Variants in SEMA3D observed in about 807,000 individuals in gnomAD.
The protein encoded by SEMA3D is semaphorin 3D.
SEMA3D carries 84 observed loss-of-function variants against 100.1 expected under a neutral mutation model. The observed-to-expected ratio is 0.84, with a 90% CI of 0.70 to 1.01. SEMA3D has a LOEUF of 1.01. Among genes scored for constraint, SEMA3D ranks in the 50% least tolerant of loss-of-function variants. The pLI, the probability that SEMA3D is intolerant of heterozygous loss-of-function variation, is 0.00. For synonymous variants in SEMA3D, 312 were observed against 320.7 expected, an observed-to-expected ratio of 0.97 and a Z score of 0.29; for missense variants, 875 against 934.1, an observed-to-expected ratio of 0.94 and a Z score of 0.82.
intron 2 of SEMA3D, among the ~76,000 whole-genome samples, chr7:85,128,756 C>G (rs917020183): frequency 2.0e-5 from 3 of 151,430 alleles, no homozygotes; most frequent in Non-Finnish European, 4.4e-5. Context: ...ATAAAATGTA[C>G]AGAATATTCT....
intron 11 of SEMA3D, among the ~76,000 whole-genome samples, chr7:85,037,431 T>C (rs180860756): frequency 1.8e-4 from 27 of 152,240 alleles, no homozygotes; most frequent in African/African-American, 6.3e-4. Flanking sequence ...CCATTTTATT[T>C]AAAGTTATTA....
rs951097671 is a variant in SEMA3D, at chr7:85,086,506, G to GTA, written c.313-4929_313-4928dup. ...TCAATAATCTTTTGAAGTGTTATAT[G>GTA]TATATATATATCACATTATATATAA... On this transcript the variant is annotated intron_variant, in intron 4 of 18. Transcript: ENST00000284136. Among the ~76,000 whole-genome samples, 34 of 151,538 alleles carry GTA rather than the reference G, an allele frequency of 2.2e-4. 1 individual carries two copies. The highest frequency in any genetic ancestry group is 4.1e-4 in the African/African-American group (17 of 41,294).
the SEMA3D span, among the ~76,000 whole-genome samples, chr7:85,194,276 G>A: frequency 1.5e-3 from 234 of 152,178 alleles, 1 homozygote; most frequent in African/African-American, 5.2e-3. Flanking sequence ...AGCATTGCTT[G>A]TTTCTGATCT....
chr7:85,017,937 T>C (rs542959913), intron 15 of SEMA3D, among the ~76,000 whole-genome samples: 92 of 151,700 alleles, frequency 6.1e-4, no homozygotes, highest in Non-Finnish European at 1.1e-3. Context: ...CCCTTTGTAA[T>C]GGTTAGGGTT....
In SEMA3D at chr7:85,015,168, G is replaced by C. The variant is rs1241202313; in HGVS notation, c.1594C>G (p.His532Asp). The change falls in exon 16 of 19, where the codon CAC becomes GAC. Residue 532 changes from histidine (H) to aspartate (D), a missense_variant. Physicochemically the swap from His to Asp is moderately conservative, Grantham distance 81 (BLOSUM62 -1). Transcript: ENST00000284136. The part of the protein sequence containing the change: ...SRDGLVQLSL[H>D]RCDTYGKACA... ...GCTTTCCCATAAGTGTCGCATCTGTGCAAGGAGAGCTGAACCAATCCATCT... is the reference window on the plus strand; with the variant it reads ...GCTTTCCCATAAGTGTCGCATCTGTCCAAGGAGAGCTGAACCAATCCATCT... 1.2e-6 allele frequency: 2 copies of C among 1,611,800 alleles called. No individual in the cohort carries two copies. Among genetic ancestry groups the C allele is most frequent in the Non-Finnish European group, 1.7e-6 (2 of 1,178,506 alleles).
chr7:85,204,654 T>C, the SEMA3D span, among the ~76,000 whole-genome samples: 1 of 152,070 alleles, frequency 6.6e-6, no homozygotes, highest in Non-Finnish European at 1.5e-5. Context: ...TCTTGCACAG[T>C]GGTCAAGCTA....
rs746534815 is a variant in SEMA3D, at chr7:85,081,904, C to T, written c.313-325G>A. Among the ~76,000 whole-genome samples the T allele has an allele frequency of 1.4e-4, 22 of 152,252 alleles. 1 individual carries two copies. In the South Asian group the frequency reaches 4.6e-3, roughly 32 times the overall value. Reference sequence around the variant, plus strand: ...CATGAGCATTTGCCTAAATAAGAGGCTGTATGTACCATGTTTTTCTGTGTT... The same window carrying T: ...CATGAGCATTTGCCTAAATAAGAGGTTGTATGTACCATGTTTTTCTGTGTT... On this transcript the variant is annotated intron_variant, in intron 4 of 18. Transcript: ENST00000284136.
intron 1 of SEMA3D, among the ~76,000 whole-genome samples, chr7:85,161,857 A>C (rs923809985): frequency 5.9e-5 from 9 of 152,176 alleles, no homozygotes; most frequent in African/African-American, 2.2e-4. Context: ...GCCGCATACA[A>C]ATATATTTTT....
chr7:85,028,510 C>G (rs1232950902), intron 12 of SEMA3D: 4 of 342,522 alleles, frequency 1.2e-5, no homozygotes, highest in Non-Finnish European at 1.6e-5. Context: ...CCAGAGACAC[C>G]TACTTAGGTG....
At chr7:85,170,393 T>C (rs1212245059) in intron 1 of SEMA3D, among the ~76,000 whole-genome samples, 3 of 151,908 alleles carry the variant, frequency 2.0e-5, no homozygotes, top group Non-Finnish European at 4.4e-5. Context: ...TGTGGAAAGA[T>C]ATTTCTTGTT....
intron 2 of SEMA3D, among the ~76,000 whole-genome samples, chr7:85,127,218 A>T (rs1255923332): frequency 6.6e-6 from 1 of 152,190 alleles, no homozygotes; most frequent in African/African-American, 2.4e-5. Context: ...ATCAGAAATT[A>T]GTTGTAGAGC....
At chr7:85,064,718 T>C (rs1459203331) in intron 8 of SEMA3D, among the ~76,000 whole-genome samples, 1 of 152,114 alleles carries the variant, frequency 6.6e-6, no homozygotes, top group Non-Finnish European at 1.5e-5. Context: ...TAAAATTTGA[T>C]CTGTTGTAAG....
At chr7:85,120,869 T>C (rs1425557705) in intron 3 of SEMA3D, among the ~76,000 whole-genome samples, 1 of 152,138 alleles carries the variant, frequency 6.6e-6, no homozygotes, top group East Asian at 1.9e-4. Context: ...ACATGACATA[T>C]ATTCTGTACA....
rs1403882401 is a variant in SEMA3D at position 84,996,927 on chromosome 7, TA to T, written c.*2512del. On this transcript the variant is annotated 3_prime_UTR_variant, in exon 19 of 19. Coordinates refer to ENST00000284136, the MANE Select transcript of SEMA3D (RefSeq NM_001384900.1). The stretch of plus-strand genomic sequence containing the variant: ...TCTTTCTCTAAATGTTCTAGACAAC[TA>T]AAAAGCTAAGAAAAAAACACATTTT... 3 of 151,904 alleles carry T rather than the reference TA, an allele frequency of 2.0e-5. No homozygotes were observed. Among genetic ancestry groups the T allele is most frequent in the African/African-American group, 7.2e-5 (3 of 41,420 alleles). The allele number at this position is 151,904 out of a possible 1,614,324, so 9.4% of individuals were successfully genotyped here.
the SEMA3D span, among the ~76,000 whole-genome samples, chr7:85,193,875 GA>G: frequency 0.5 from 70,760 of 140,492 alleles, 18,716 homozygotes; most frequent in East Asian, 0.74. Context: ...CATACTAAAG[GA>G]AAAAAAAAAA....
chr7:85,005,193 CACTT>C (rs1789760501), intron 18 of SEMA3D, among the ~76,000 whole-genome samples: 2 of 151,938 alleles, frequency 1.3e-5, no homozygotes, highest in African/African-American at 4.8e-5. Context: ...TGGTTTGTGA[CACTT>C]AAGATTAAAA....
rs1791041198 is a variant in SEMA3D, at chr7:85,169,942, G to A, written c.-172-16203C>T. Among the ~76,000 whole-genome samples the A allele has an allele frequency of 3.3e-5, 5 of 151,708 alleles. 1 individual carries two copies. In the South Asian group the frequency reaches 1.0e-3, roughly 31 times the overall value. On this transcript the variant is annotated intron_variant, in intron 1 of 18. Transcript: ENST00000284136. ...AAATTATTTATTTTGATGTGTGAAT[G>A]TGTGTTTGTGAATGTGAAAATAAAA...
intron 1 of SEMA3D, among the ~76,000 whole-genome samples, chr7:85,173,461 C>T (rs536461569): frequency 9.2e-5 from 14 of 152,136 alleles, no homozygotes; most frequent in African/African-American, 2.4e-4. Context: ...AACACACTTC[C>T]GTGCCAAAAC....
At chr7:85,073,220 A>G (rs1791826014) in intron 5 of SEMA3D, 139 bp from the exon 6 acceptor site, 2 of 786,730 alleles carry the variant, frequency 2.5e-6, no homozygotes, top group East Asian at 5.3e-5. Flanking sequence ...GAAATTCTAG[A>G]CATCTGTTGT....
Sources: allele counts gnomAD v4.1 joint callset (sites outside exome capture counted in the v4.1 genomes callset), GRCh38; gene constraint gnomAD v4.1.1; transcripts MANE v1.5; gene names NCBI Gene and HGNC (gene_info 2026-07-23, HGNC 2026-07-21).